Variants in FERRY3 observed in about 807,000 individuals in gnomAD.
FERRY3 encodes the protein protein C12orf4.
At chr12:4,515,534 T>C in the FERRY3 span, among the ~76,000 whole-genome samples, 2 of 152,160 alleles carry the variant, frequency 1.3e-5, no homozygotes, top group East Asian at 3.8e-4. Context: ...TCCTGGAGGA[T>C]GCTAAGTGAA....
At chr12:4,528,896 T>TACACACACACAC in the FERRY3 span, among the ~76,000 whole-genome samples, 6 of 131,564 alleles carry the variant, frequency 4.6e-5, no homozygotes, top group East Asian at 2.0e-4. Context: ...TTAAATCAGT[T>TACACACACACAC]ACACACACAC....
the FERRY3 span, among the ~76,000 whole-genome samples, chr12:4,510,147 A>G: frequency 1.9e-4 from 27 of 138,652 alleles, no homozygotes; most frequent in South Asian, 1.3e-3. Flanking sequence ...GGGTATCAGC[A>G]ATGGAAGATG....
the FERRY3 span, among the ~76,000 whole-genome samples, chr12:4,513,296 C>T: frequency 2.0e-3 from 306 of 151,142 alleles, 1 homozygote; most frequent in Middle Eastern, 3.4e-3. Flanking sequence ...GAATCAATAT[C>T]GTGAAAATGG....
chr12:4,491,227 G>T, the FERRY3 span: 1 of 1,612,378 alleles, frequency 6.2e-7, no homozygotes, highest in African/African-American at 1.3e-5. Context: ...CCAGGGTATA[G>T]TCATTTCCTA....
chr12:4,526,889 G>GAT, the FERRY3 span, among the ~76,000 whole-genome samples: 893 of 149,916 alleles, frequency 6.0e-3, 34 homozygotes, highest in East Asian at 0.1. Flanking sequence ...CACTGATTAA[G>GAT]ATATATATAT....
At chr12:4,537,708 T>C in the FERRY3 span, among the ~76,000 whole-genome samples, 1 of 152,198 alleles carries the variant, frequency 6.6e-6, no homozygotes, top group African/African-American at 2.4e-5. Flanking sequence ...TGCAAAGAGA[T>C]AGGGTATTTG....
the FERRY3 span, among the ~76,000 whole-genome samples, chr12:4,532,735 C>T: frequency 2.1e-4 from 32 of 152,224 alleles, no homozygotes; most frequent in South Asian, 2.1e-3. Flanking sequence ...TTAAATCAGC[C>T]ATCAACTGCC....
At chr12:4,520,752 C>T in the FERRY3 span, among the ~76,000 whole-genome samples, 1 of 152,090 alleles carries the variant, frequency 6.6e-6, no homozygotes. Context: ...ACCACCTATT[C>T]CCCAAAAACC....
At chr12:4,488,861 T>C in the FERRY3 span, 1 of 152,192 alleles carries the variant, frequency 6.6e-6, no homozygotes, top group South Asian at 2.1e-4. This position sits in a 1 kb window ranked among gnomAD's most constrained non-coding sequence, Gnocchi z 4.9. Context: ...AAATATGTTA[T>C]AGATGGGACA....
chr12:4,509,600 G>T, the FERRY3 span, among the ~76,000 whole-genome samples: 1 of 144,992 alleles, frequency 6.9e-6, no homozygotes, highest in Non-Finnish European at 1.5e-5. Flanking sequence ...CCTGACCCCC[G>T]AGCAGCCTAA....
At chr12:4,536,063 A>G in the FERRY3 span, 4 of 1,608,182 alleles carry the variant, frequency 2.5e-6, no homozygotes, top group Non-Finnish European at 3.4e-6. Context: ...TCAGACGTCC[A>G]TGCAAATGAC....
chr12:4,536,692 G>C, the FERRY3 span, among the ~76,000 whole-genome samples: 1 of 152,130 alleles, frequency 6.6e-6, no homozygotes, highest in Non-Finnish European at 1.5e-5. Context: ...GTGTTAGAAA[G>C]ATTTCCATGT....
the FERRY3 span, among the ~76,000 whole-genome samples, chr12:4,503,026 G>A: frequency 6.6e-6 from 1 of 152,176 alleles, no homozygotes; most frequent in Non-Finnish European, 1.5e-5. Context: ...GCCCAGTGAA[G>A]TGTATTACCT....
chr12:4,520,485 G>A, the FERRY3 span, among the ~76,000 whole-genome samples: 11 of 152,234 alleles, frequency 7.2e-5, no homozygotes, highest in Non-Finnish European at 1.3e-4. Context: ...TCTGGCATGC[G>A]AAGGCTGCTG....
chr12:4,501,887 G>A, the FERRY3 span, among the ~76,000 whole-genome samples: 19 of 152,088 alleles, frequency 1.2e-4, no homozygotes, highest in African/African-American at 4.6e-4. Flanking sequence ...AAAACGTTGG[G>A]GACCACTAGT....
chr12:4,536,552 G>A, the FERRY3 span, among the ~76,000 whole-genome samples: 1 of 152,228 alleles, frequency 6.6e-6, no homozygotes, highest in East Asian at 1.9e-4. Context: ...TTCATGGGTG[G>A]GGAAATACAA....
At chr12:4,515,926 C>A in the FERRY3 span, among the ~76,000 whole-genome samples, 1 of 152,082 alleles carries the variant, frequency 6.6e-6, no homozygotes, top group African/African-American at 2.4e-5. Context: ...CAAATATATA[C>A]AATCTTTAAT....
the FERRY3 span, among the ~76,000 whole-genome samples, chr12:4,532,142 T>C: frequency 1.8e-4 from 28 of 151,538 alleles, no homozygotes; most frequent in Non-Finnish European, 4.0e-4. Context: ...ATGTATTTTA[T>C]GTGTGGCCGA....
the FERRY3 span, among the ~76,000 whole-genome samples, chr12:4,527,528 T>A: frequency 2.6e-5 from 4 of 152,130 alleles, no homozygotes; most frequent in Non-Finnish European, 5.9e-5. Flanking sequence ...GCCGAGAAAC[T>A]GTCTTTTAAA....
Sources: allele counts gnomAD v4.1 joint callset (sites outside exome capture counted in the v4.1 genomes callset), GRCh38; gene constraint gnomAD v4.1.1; non-coding constraint Gnocchi (gnomAD v3.1); transcripts MANE v1.5; gene names NCBI Gene and HGNC (gene_info 2026-07-23, HGNC 2026-07-21).